The following ABCA4 variants were observed in gnomAD, a reference collection of about 807,000 sequenced individuals.
ABCA4 encodes the protein ATP binding cassette subfamily A member 4.
A neutral mutation model predicts 263.7 loss-of-function variants in ABCA4; 196 were observed. The ratio of observed to expected loss-of-function variants is 0.74; its 90% confidence interval spans 0.66 to 0.84. The LOEUF is 0.84. ABCA4 is among the 40% of genes least tolerant of loss of function. ABCA4 has a pLI of 0.00. For missense variants in ABCA4, 2,792 were observed against 2,855.1 expected, an observed-to-expected ratio of 0.98 and a Z score of 0.50; for synonymous variants, 1,133 against 1,094.2, an observed-to-expected ratio of 1.04 and a Z score of -0.70.
chr1:94,093,227 G>A (rs964918893), intron 6 of ABCA4, among the ~76,000 whole-genome samples: 2 of 152,166 alleles, frequency 1.3e-5, no homozygotes, highest in African/African-American at 4.8e-5. Flanking sequence ...ACTAAAGAAT[G>A]CATATTAGTG....
At chr1:94,062,441 G>T in intron 13 of ABCA4, 136 bp downstream of exon 13, 2 of 1,005,224 alleles carry the variant, frequency 2.0e-6, no homozygotes, top group Non-Finnish European at 1.5e-6. Flanking sequence ...AGAGCTCCAT[G>T]CTCTCCAATT....
intron 30 of ABCA4, among the ~76,000 whole-genome samples, chr1:94,026,638 T>C (rs1660047370): frequency 6.6e-6 from 1 of 152,224 alleles, no homozygotes; most frequent in South Asian, 2.1e-4. Flanking sequence ...TAGCTTATGA[T>C]AAATTGTTTT....
chr1:93,993,248 G>A lies in ABCA4; in HGVS notation c.6817-6C>T, dbSNP rs1658918744. 3.1e-6 allele frequency: 5 copies of A among 1,613,890 alleles called. No homozygotes were observed. The highest frequency in any genetic ancestry group is 4.2e-6 in the Non-Finnish European group (5 of 1,179,838). On this transcript the variant is annotated splice_polypyrimidine_tract_variant and splice_region_variant and intron_variant, in intron 49 of 49. Coordinates refer to ENST00000370225, the MANE Select transcript of ABCA4 (RefSeq NM_000350.3). ...AGCGGTGTGAAAGATCAGTCCTGTGGAAGGAGATCACATGGACTCGCGTCA... is the reference window on the plus strand; with the variant it reads ...AGCGGTGTGAAAGATCAGTCCTGTGAAAGGAGATCACATGGACTCGCGTCA...
intron 11 of ABCA4, among the ~76,000 whole-genome samples, chr1:94,074,345 A>T (rs1038647088): frequency 1.3e-5 from 2 of 152,164 alleles, no homozygotes; most frequent in African/African-American, 4.8e-5. Flanking sequence ...CCTTCCTTAC[A>T]CCTTATACAA....
At chr1:94,082,215 C>T (rs1661719051) in intron 7 of ABCA4, among the ~76,000 whole-genome samples, 1 of 152,142 alleles carries the variant, frequency 6.6e-6, no homozygotes, top group Non-Finnish European at 1.5e-5. Flanking sequence ...TATTATGTTG[C>T]TCATTTAGTC....
intron 20 of ABCA4, among the ~76,000 whole-genome samples, chr1:94,043,765 G>A (rs1660586068): frequency 8.3e-6 from 1 of 119,886 alleles, no homozygotes; most frequent in African/African-American, 2.9e-5. Context: ...GTTTAAAAAA[G>A]CAATCCTTTT....
chr1:94,039,634 T>G (rs1157365536), intron 24 of ABCA4, among the ~76,000 whole-genome samples: 1 of 152,180 alleles, frequency 6.6e-6, no homozygotes, highest in Non-Finnish European at 1.5e-5. Context: ...CATCCACATG[T>G]GCAATCTCTG....
chr1:93,998,091 C>A lies in ABCA4; in HGVS notation c.6499G>T (p.Val2167Phe). ...TTCGGGGATTTGATCTTCATTGTGACGATATAGCCATCTCCAAATCTAGGG... is the reference window on the plus strand; with the variant it reads ...TTCGGGGATTTGATCTTCATTGTGAAGATATAGCCATCTCCAAATCTAGGG... ...LKSKFGDGYI[V>F]TMKIKSPKDD... Residue 2167 changes from valine (V) to phenylalanine (F), a missense_variant, in exon 48 of 50, where the codon GTC (valine) becomes TTC (phenylalanine). Coordinates refer to ENST00000370225, the MANE Select transcript of ABCA4 (RefSeq NM_000350.3). 6.2e-7 allele frequency: 1 copy of A among 1,614,166 alleles called. No individual in the cohort carries two copies. Among genetic ancestry groups the A allele is most frequent in the Non-Finnish European group, 8.5e-7 (1 of 1,180,030 alleles).
intron 17 of ABCA4, among the ~76,000 whole-genome samples, chr1:94,049,456 T>A (rs1354941894): frequency 6.6e-6 from 1 of 152,044 alleles, no homozygotes; most frequent in Non-Finnish European, 1.5e-5. Flanking sequence ...AAACCCCGTA[T>A]CTACTAAAAA....
chr1:94,056,748 G>A lies in ABCA4; in HGVS notation c.2235C>T (p.Ile745=). The part of the protein sequence containing the change: ...LFLLAFSTAT[I]MLCFLLSTFF... ...AGGTGCTGAGCAGAAAGCACAGCATGATGGTGGCAGTGGAGAAAGCCAACA... is the reference window on the plus strand; with the variant it reads ...AGGTGCTGAGCAGAAAGCACAGCATAATGGTGGCAGTGGAGAAAGCCAACA... The change falls in exon 15 of 50, where the codon ATC becomes ATT. Residue 745 remains isoleucine (I), a synonymous_variant. Coordinates refer to ENST00000370225, the MANE Select transcript of ABCA4 (RefSeq NM_000350.3). The A allele has an allele frequency of 1.2e-6, 2 of 1,613,876 alleles. No individual in the cohort carries two copies. Among genetic ancestry groups the A allele is most frequent in the Non-Finnish European group, 1.7e-6 (2 of 1,179,864 alleles).
chr1:94,030,700 G>C (rs1404967517), intron 28 of ABCA4, among the ~76,000 whole-genome samples, 174 bp from the exon 29 acceptor site: 1 of 152,206 alleles, frequency 6.6e-6, no homozygotes, highest in Non-Finnish European at 1.5e-5. Flanking sequence ...AACACTCGCA[G>C]TGGTCTGATG....
At chr1:94,033,925 C>G (rs1164855043) in intron 26 of ABCA4, among the ~76,000 whole-genome samples, 1 of 152,130 alleles carries the variant, frequency 6.6e-6, no homozygotes, top group African/African-American at 2.4e-5. Context: ...TCTTTGCTGG[C>G]TGATATCATC....
intron 36 of ABCA4, among the ~76,000 whole-genome samples, chr1:94,016,415 A>G (rs1038917533): frequency 6.6e-6 from 1 of 152,132 alleles, no homozygotes; most frequent in Non-Finnish European, 1.5e-5. Flanking sequence ...AGATATCCTT[A>G]CAGGAGGCTG....
At chr1:94,091,775 A>G (rs1231435625) in intron 6 of ABCA4, among the ~76,000 whole-genome samples, 1 of 152,222 alleles carries the variant, frequency 6.6e-6, no homozygotes, top group South Asian at 2.1e-4. Flanking sequence ...ATCTGCCTCT[A>G]CTAACTGAGG....
intron 6 of ABCA4, among the ~76,000 whole-genome samples, chr1:94,091,979 A>T (rs1363457970): frequency 6.6e-6 from 1 of 152,240 alleles, no homozygotes; most frequent in African/African-American, 2.4e-5. Flanking sequence ...CCTCCTAAAA[A>T]GTCTTGTTGG....
rs62645943 is a variant in ABCA4, at chr1:94,103,104, C to T, written c.481G>A (p.Glu161Lys). 2.5e-6 allele frequency: 4 copies of T among 1,614,100 alleles called. No individual in the cohort carries two copies. The highest frequency in any genetic ancestry group is 3.4e-6 in the Non-Finnish European group (4 of 1,179,982). ...IRIRDILKDE[E>K]TLTLFLIKNI... ...TTAATGAGAAATAGTGTCAGTGTTTCTTCATCTTTCAAGATATCCCTTATT... is the reference window on the plus strand; with the variant it reads ...TTAATGAGAAATAGTGTCAGTGTTTTTTCATCTTTCAAGATATCCCTTATT... The change falls in exon 5 of 50, where the codon GAA (glutamate) becomes AAA (lysine). Residue 161 changes from glutamate (E) to lysine (K), a missense_variant. By Grantham distance (56) the Glu-to-Lys change is moderately conservative. Coordinates refer to ENST00000370225, the MANE Select transcript of ABCA4 (RefSeq NM_000350.3).
In ABCA4 at chr1:94,120,998, G is replaced by A. The variant is rs200719517; in HGVS notation, c.48C>T (p.Thr16=). The part of the protein sequence containing the change: ...QIQLLLWKNW[T]LRKRQKIRFV... The stretch of plus-strand genomic sequence containing the variant: ...CTGTTACCTTTTGCCTTTTCCGCAG[G>A]GTCCAGTTCTTCCAGAGCAAAAGCT... The change falls in exon 1 of 50, where the codon ACC becomes ACT. Residue 16 remains threonine, a synonymous_variant. Coordinates refer to ENST00000370225, the MANE Select transcript of ABCA4 (RefSeq NM_000350.3). 6 of 1,613,446 alleles carry A rather than the reference G, an allele frequency of 3.7e-6. No individual in the cohort carries two copies. Among genetic ancestry groups the A allele is most frequent in the Non-Finnish European group, 4.2e-6 (5 of 1,179,898 alleles).
intron 12 of ABCA4, 43 bp downstream of exon 12, chr1:94,063,069 A>G (rs376368471): frequency 6.4e-7 from 1 of 1,558,084 alleles, no homozygotes; most frequent in African/African-American, 1.4e-5. Context: ...GTAATTTCCC[A>G]CTGACTTTGG....
intron 48 of ABCA4, among the ~76,000 whole-genome samples, chr1:93,997,432 A>ATT (rs112489936): frequency 1.4e-3 from 179 of 132,176 alleles, no homozygotes; most frequent in Middle Eastern, 3.8e-3. Context: ...TAATTTTCTG[A>ATT]TTTTTTTTTT....
Sources: allele counts gnomAD v4.1 joint callset (sites outside exome capture counted in the v4.1 genomes callset), GRCh38; gene constraint gnomAD v4.1.1; transcripts MANE v1.5; gene names NCBI Gene and HGNC (gene_info 2026-07-23, HGNC 2026-07-21).